KIF26B: variants seen among roughly 807,000 people sequenced by gnomAD.
KIF26B encodes the protein kinesin family member 26B.
KIF26B carries 63 observed loss-of-function variants against 151.2 expected under a neutral mutation model. The ratio of observed to expected loss-of-function variants is 0.42; its 90% confidence interval spans 0.34 to 0.51. The LOEUF (loss-of-function observed/expected upper bound fraction) is 0.51, where lower values mean the gene tolerates loss of function less well. Ranked by LOEUF, KIF26B falls within the 20% of genes least tolerant of loss-of-function variation. KIF26B has a pLI of 0.07. For synonymous variants in KIF26B, 1,357 were observed against 1,262.1 expected, an observed-to-expected ratio of 1.08 and a Z score of -1.59; for missense variants, 2,813 against 2,913.6, an observed-to-expected ratio of 0.97 and a Z score of 0.79.
intron 10 of KIF26B, among the ~76,000 whole-genome samples, chr1:245,658,116 G>A (rs146190096): frequency 3.1e-3 from 469 of 152,242 alleles, no homozygotes; most frequent in African/African-American, 0.011. Context: ...GCTGTTGAAC[G>A]TTACGTAAAT....
chr1:245,548,451 G>C (rs1472215564), intron 5 of KIF26B, among the ~76,000 whole-genome samples: 1 of 152,162 alleles, frequency 6.6e-6, no homozygotes, highest in South Asian at 2.1e-4. Flanking sequence ...CCCAGGGTGC[G>C]AGTTGTCCCA....
intron 2 of KIF26B, among the ~76,000 whole-genome samples, chr1:245,190,682 C>A: frequency 1.6e-5 from 2 of 128,720 alleles, no homozygotes; most frequent in Middle Eastern, 4.8e-3. Flanking sequence ...CTATTAAAAT[C>A]TCAGCATTCT....
In KIF26B at chr1:245,601,281, C is replaced by T. The variant is rs549725187; in HGVS notation, c.1351-1296C>T. ...GTGCAGGACACCTGCGGACCCAGTG[C>T]CCTTGGGATTCTTTACCTTCAGCTT... On this transcript the variant is annotated intron_variant, in intron 5 of 14. Coordinates refer to ENST00000407071, the MANE Select transcript of KIF26B (RefSeq NM_018012.4). This position sits in a 1 kb window ranked among gnomAD's most constrained non-coding sequence, Gnocchi z 4.4. Among the ~76,000 whole-genome samples the T allele has an allele frequency of 3.9e-5, 6 of 152,198 alleles. No individual in the cohort carries two copies. The highest frequency in any genetic ancestry group is 8.8e-5 in the Non-Finnish European group (6 of 68,038).
intron 9 of KIF26B, among the ~76,000 whole-genome samples, chr1:245,612,964 A>G (rs1388725404): frequency 6.6e-6 from 1 of 152,100 alleles, no homozygotes; most frequent in Non-Finnish European, 1.5e-5. Flanking sequence ...TGCCCAAAAG[A>G]GTTGAGCACC....
At chr1:245,372,706 T>C (rs868662705) in intron 3 of KIF26B, among the ~76,000 whole-genome samples, 1 of 152,228 alleles carries the variant, frequency 6.6e-6, no homozygotes, top group African/African-American at 2.4e-5. Context: ...TAACATTTAT[T>C]ATAGTCAATA....
chr1:245,672,169 C>T (rs926685714), intron 10 of KIF26B, among the ~76,000 whole-genome samples: 7 of 152,158 alleles, frequency 4.6e-5, no homozygotes, highest in East Asian at 1.9e-4. Flanking sequence ...GACTCCATCT[C>T]GGGGAATAAC....
intron 2 of KIF26B, among the ~76,000 whole-genome samples, chr1:245,223,597 G>A (rs1669815735): frequency 6.6e-6 from 1 of 152,090 alleles, no homozygotes; most frequent in African/African-American, 2.4e-5. Context: ...TCATAGTTTT[G>A]TGTGTTTTAG....
intron 2 of KIF26B, among the ~76,000 whole-genome samples, chr1:245,257,953 C>T (rs750684411): frequency 7.2e-5 from 11 of 151,900 alleles, no homozygotes; most frequent in African/African-American, 1.7e-4. Context: ...ACCGGGAAGG[C>T]GGAGGTTGCA....
intron 2 of KIF26B, among the ~76,000 whole-genome samples, chr1:245,281,926 G>A (rs1245412305): frequency 1.3e-5 from 2 of 151,364 alleles, no homozygotes; most frequent in Admixed American, 6.6e-5. Context: ...GATATGCGGT[G>A]TTATTTCTGA....
intron 2 of KIF26B, among the ~76,000 whole-genome samples, chr1:245,251,249 G>A (rs561104386): frequency 3.1e-4 from 47 of 152,324 alleles, no homozygotes; most frequent in African/African-American, 1.1e-3. Flanking sequence ...TTTAGGCACA[G>A]TGAGTCACTC....
intron 12 of KIF26B, among the ~76,000 whole-genome samples, chr1:245,692,176 G>A (rs1466897739): frequency 1.3e-5 from 2 of 152,184 alleles, no homozygotes; most frequent in African/African-American, 4.8e-5. Context: ...CATTGACCAG[G>A]TATCTTCTGT....
Position 245,309,647 on chromosome 1 carries a change from A to G in KIF26B, c.466-57187A>G, listed in dbSNP as rs1362167402. Among the ~76,000 whole-genome samples the G allele has an allele frequency of 2.0e-5, 3 of 148,340 alleles. No homozygotes were observed. In the East Asian group the frequency reaches 5.8e-4, roughly 29 times the overall value. On this transcript the variant is annotated intron_variant, in intron 2 of 14. Coordinates refer to ENST00000407071, the MANE Select transcript of KIF26B (RefSeq NM_018012.4). ...AATAAATACCTCTCTCATTATATAT[A>G]TAATATATAATATGAAATAAATTAA...
chr1:245,395,647 G>A lies in KIF26B; in HGVS notation c.1000-23932G>A, dbSNP rs188259838. Among the ~76,000 whole-genome samples, 414 of 152,126 alleles carry A rather than the reference G, an allele frequency of 2.7e-3. 3 individuals carry two copies. Among genetic ancestry groups the A allele is most frequent in the South Asian group, 7.7e-3 (37 of 4,798 alleles). ...TATGAAATCAGAACCTTTTTTCCTG[G>A]CAAGCTGGTATTTAAATCTTAACCA... On this transcript the variant is annotated intron_variant, in intron 3 of 14. Transcript: ENST00000407071.
At chr1:245,228,916 A>C (rs921669222) in intron 2 of KIF26B, among the ~76,000 whole-genome samples, 5 of 152,122 alleles carry the variant, frequency 3.3e-5, no homozygotes, top group African/African-American at 9.7e-5. Flanking sequence ...TTAACAAGAG[A>C]AAATAAGGTT....
chr1:245,173,235 A>T (rs1372339589), intron 2 of KIF26B, among the ~76,000 whole-genome samples: 2 of 152,166 alleles, frequency 1.3e-5, no homozygotes, highest in Non-Finnish European at 2.9e-5. Flanking sequence ...GTGGTTACCA[A>T]GAATTGGGGA....
At chr1:245,389,910 A>G (rs1410907338) in intron 3 of KIF26B, among the ~76,000 whole-genome samples, 1 of 152,204 alleles carries the variant, frequency 6.6e-6, no homozygotes, top group Non-Finnish European at 1.5e-5. Flanking sequence ...TTACTTAGTT[A>G]AAGTTTCCTA....
intron 4 of KIF26B, among the ~76,000 whole-genome samples, chr1:245,427,773 T>G (rs897046249): frequency 3.9e-5 from 6 of 152,332 alleles, no homozygotes; most frequent in African/African-American, 1.4e-4. Context: ...TTGGTGTCTG[T>G]TCTTTTCTCC....
At chr1:245,351,456 C>G (rs115682050) in intron 2 of KIF26B, among the ~76,000 whole-genome samples, 96 of 144,074 alleles carry the variant, frequency 6.7e-4, no homozygotes, top group African/African-American at 2.6e-3. Flanking sequence ...CTTTTCCCGT[C>G]TTAAACATAG....
At chr1:245,652,112 G>GTGTT (rs1018290304) in intron 10 of KIF26B, among the ~76,000 whole-genome samples, 6 of 128,566 alleles carry the variant, frequency 4.7e-5, no homozygotes, top group Admixed American at 2.3e-4. Context: ...CTGTGTGTGT[G>GTGTT]TGTGTGTGTG....
Sources: gnomAD v4.1 joint callset for allele counts (sites outside exome capture counted in the v4.1 genomes callset) on GRCh38, gnomAD v4.1.1 for gene constraint, Gnocchi (gnomAD v3.1) non-coding constraint, MANE v1.5 for transcripts, NCBI Gene and HGNC (gene_info 2026-07-23, HGNC 2026-07-21) for gene names.